Variants in PARVB observed in about 807,000 individuals in gnomAD.
The protein encoded by PARVB is beta-parvin.
In PARVB, 46 loss-of-function variants were observed where a neutral mutation model predicts 47.0. The observed-to-expected ratio is 0.98, with a 90% confidence interval of 0.77 to 1.25. The LOEUF (loss-of-function observed/expected upper bound fraction) is 1.25, where lower values mean the gene tolerates loss of function less well. PARVB is among the 50% of genes most tolerant of loss of function. The pLI is 0.00. For synonymous variants in PARVB, 196 were observed against 196.3 expected (o/e 1.00, Z 0.01); for missense variants, 473 against 471.6 (o/e 1.00, Z -0.03).
At chr22:44,021,869 G>T (rs1370033492), upstream of PARVB, among the ~76,000 whole-genome samples, 1 of 151,114 alleles carries the variant, frequency 6.6e-6, no homozygotes, top group Non-Finnish European at 1.5e-5. Flanking sequence ...ACAGGCCGAG[G>T]AACATGGAAG....
chr22:44,095,492 A>G (rs1292686183), intron 2 of PARVB, among the ~76,000 whole-genome samples: 1 of 151,278 alleles, frequency 6.6e-6, no homozygotes, highest in Non-Finnish European at 1.5e-5. Context: ...TGACAGAGCG[A>G]GACATCTCAA....
At chr22:44,137,818 T>C (rs2053469930) in intron 7 of PARVB, among the ~76,000 whole-genome samples, 1 of 152,114 alleles carries the variant, frequency 6.6e-6, no homozygotes, top group South Asian at 2.1e-4. Flanking sequence ...TGAGGCCTTG[T>C]CTTGGACATC....
At chr22:44,024,526 G>C in intron 1 of PARVB, 75 bp downstream of exon 1, 1 of 713,636 alleles carries the variant, frequency 1.4e-6, no homozygotes, top group Non-Finnish European at 1.8e-6. Flanking sequence ...AGAGCCCCAC[G>C]AGGCCGCCCC....
intron 1 of PARVB, among the ~76,000 whole-genome samples, chr22:44,093,444 G>A (rs1333897659): frequency 6.6e-6 from 1 of 152,188 alleles, no homozygotes; most frequent in East Asian, 1.9e-4. Flanking sequence ...TGTGAATGTG[G>A]CCATCACCAG....
intron 5 of PARVB, 113 bp from the exon 6 acceptor site, chr22:44,132,781 C>G: frequency 1.5e-6 from 1 of 670,054 alleles, no homozygotes; most frequent in South Asian, 1.8e-5. Context: ...TCGCTCCATC[C>G]TTGTCTCGCT....
chr22:44,164,411 C>CCCA (rs71864264), intron 12 of PARVB, among the ~76,000 whole-genome samples: 2 of 142,884 alleles, frequency 1.4e-5, no homozygotes, highest in African/African-American at 2.6e-5. Flanking sequence ...CTTCCCTGTC[C>CCCA]CCCCCCCGGC....
At chr22:44,095,702 G>C (rs1339362212) in intron 2 of PARVB, among the ~76,000 whole-genome samples, 1 of 152,208 alleles carries the variant, frequency 6.6e-6, no homozygotes, top group East Asian at 1.9e-4. Flanking sequence ...GGATCTAGCT[G>C]ATCTGGAAGG....
intron 3 of PARVB, among the ~76,000 whole-genome samples, chr22:44,118,117 T>C (rs954908765): frequency 1.3e-5 from 2 of 152,224 alleles, no homozygotes; most frequent in East Asian, 3.9e-4. Context: ...AATGTTCATG[T>C]CAGCACCACT....
At chr22:44,154,975 G>GGT (rs1288212220) in intron 10 of PARVB, among the ~76,000 whole-genome samples, 1 of 134,696 alleles carries the variant, frequency 7.4e-6, no homozygotes, top group South Asian at 2.4e-4. Flanking sequence ...TAGTCTGTGT[G>GGT]GTGTGTGTGT....
At chr22:44,157,939 A>G (rs1006918891) in intron 10 of PARVB, 43 bp from the exon 11 acceptor site, 3 of 1,453,660 alleles carry the variant, frequency 2.1e-6, no homozygotes, top group Non-Finnish European at 2.9e-6. Context: ...GCATTTGCCA[A>G]CTCCTTACCC....
chr22:44,143,797 C>T (rs1283462052), intron 8 of PARVB: 1 of 152,436 alleles, frequency 6.6e-6, no homozygotes, highest in African/African-American at 2.4e-5. Flanking sequence ...TGCGGCTTCT[C>T]CGCGGGCGGC....
At chr22:44,050,610 C>T (rs4823112) in intron 1 of PARVB, among the ~76,000 whole-genome samples, 19,788 of 152,066 alleles carry the variant, frequency 0.13, 2,529 homozygotes, top group African/African-American at 0.32. Flanking sequence ...AGTGCTGGGA[C>T]TACAGGTGTG....
At chr22:44,122,822 G>C (rs1350442443) in intron 4 of PARVB, among the ~76,000 whole-genome samples, 2 of 152,066 alleles carry the variant, frequency 1.3e-5, no homozygotes, top group Non-Finnish European at 2.9e-5. Flanking sequence ...CTTGCATGTG[G>C]AGATCACCTT....
intron 2 of PARVB, among the ~76,000 whole-genome samples, chr22:44,096,669 C>A (rs559464772): frequency 1.3e-5 from 2 of 152,132 alleles, no homozygotes; most frequent in Non-Finnish European, 2.9e-5. Context: ...TCTTGAACCC[C>A]GGGCATTTTG....
chr22:44,131,740 T>A, intron 5 of PARVB, 113 bp downstream of exon 5: 1 of 1,212,532 alleles, frequency 8.2e-7, no homozygotes, highest in African/African-American at 1.5e-5. Context: ...CCTTGCATCT[T>A]AAAATTGGGT....
At chr22:44,099,884 G>T (rs1001571468) in intron 2 of PARVB, among the ~76,000 whole-genome samples, 169 bp from the exon 3 acceptor site, 4 of 152,160 alleles carry the variant, frequency 2.6e-5, no homozygotes, top group Non-Finnish European at 4.4e-5. Flanking sequence ...AGGGGAAGGC[G>T]GGAGGATGCC....
intron 9 of PARVB, 179 bp downstream of exon 9, chr22:44,148,101 T>C: frequency 1.6e-6 from 1 of 623,672 alleles, no homozygotes; most frequent in Non-Finnish European, 2.9e-6. Flanking sequence ...CAGCGCCTTT[T>C]AACTCAACCT....
rs940116392 is a variant in PARVB, at chr22:44,158,163, C to G, written c.945+80C>G. 4.3e-6 allele frequency: 4 copies of G among 923,732 alleles called. No individual in the cohort carries two copies. The African/African-American group carries it at 6.6e-5, about 15-fold the overall frequency. 57.2% of individuals were successfully genotyped at this position (923,732 alleles called of 1,614,324 possible). ...CAGAGCATAGACTATCCCGGCAGCT[C>G]TTCCTGCAGCCTGGCTGCATTCTTC... On this transcript the variant is annotated intron_variant, in intron 11 of 12. Transcript: ENST00000338758.
At chr22:44,066,871 CTTCT>C (rs545252146) in intron 1 of PARVB, among the ~76,000 whole-genome samples, 8 of 140,564 alleles carry the variant, frequency 5.7e-5, no homozygotes, top group Non-Finnish European at 9.1e-5. Flanking sequence ...TTTCTTCTTT[CTTCT>C]TTCTTTTTCT....
Sources: allele counts gnomAD v4.1 joint callset (sites outside exome capture counted in the v4.1 genomes callset), GRCh38; gene constraint gnomAD v4.1.1; transcripts MANE v1.5; gene names NCBI Gene and HGNC (gene_info 2026-07-23, HGNC 2026-07-21).